RAVER2: variants seen among roughly 807,000 people sequenced by gnomAD.
RAVER2 encodes the protein ribonucleoprotein PTB-binding 2.
RAVER2 carries 46 observed loss-of-function variants against 78.1 expected under a neutral mutation model. That is an observed-to-expected ratio of 0.59 (90% confidence interval 0.46 to 0.75). The LOEUF (loss-of-function observed/expected upper bound fraction) is 0.75, where lower values mean the gene tolerates loss of function less well. RAVER2 is among the 30% of genes least tolerant of loss of function. The pLI, the probability that RAVER2 is intolerant of heterozygous loss-of-function variation, is 0.00. For synonymous variants in RAVER2, 311 were observed against 313.3 expected (o/e 0.99, Z 0.08); for missense variants, 793 against 837.5 (o/e 0.95, Z 0.66).
chr1:64,752,412 G>A (rs1220393315), intron 1 of RAVER2, among the ~76,000 whole-genome samples: 1 of 152,200 alleles, frequency 6.6e-6, no homozygotes, highest in Non-Finnish European at 1.5e-5. Context: ...TCCAGGAGGA[G>A]TACAGGAATG....
chr1:64,808,793 T>G (rs1653519774), intron 9 of RAVER2, among the ~76,000 whole-genome samples: 2 of 152,284 alleles, frequency 1.3e-5, no homozygotes, highest in South Asian at 2.1e-4. Context: ...TTTTAAAAAT[T>G]TATCTGCAGT....
At chr1:64,814,967 ATT>A (rs1653720115) in intron 11 of RAVER2, 127 bp downstream of exon 11, 2 of 789,718 alleles carry the variant, frequency 2.5e-6, no homozygotes, top group African/African-American at 1.8e-5. Context: ...TGATCTATGT[ATT>A]TCTTACTCAT....
chr1:64,830,357 T>C (rs1654097186), intron 11 of RAVER2, among the ~76,000 whole-genome samples: 1 of 152,208 alleles, frequency 6.6e-6, no homozygotes, highest in African/African-American at 2.4e-5. Context: ...GAATGTTTCA[T>C]GTTGTTTTCT....
In RAVER2 at chr1:64,782,688, C is replaced by T. The variant is rs79922166; in HGVS notation, c.978+1117C>T. 2.6e-5 allele frequency among the ~76,000 whole-genome samples: 4 copies of T among 152,186 alleles called. No individual in the cohort carries two copies. In the East Asian group the frequency reaches 7.7e-4, roughly 29 times the overall value. ...CTAGGTGGAACAGAAACTACTCATA[C>T]AGTGCTTGAGGAGTGGTAAGTGGTC... On this transcript the variant is annotated intron_variant, in intron 4 of 11. Coordinates refer to ENST00000294428, the Ensembl canonical transcript of RAVER2.
chr1:64,786,519 G>A (rs534390137), intron 4 of RAVER2, among the ~76,000 whole-genome samples: 7 of 152,168 alleles, frequency 4.6e-5, no homozygotes, highest in African/African-American at 1.7e-4. Flanking sequence ...GGCCAGGTGC[G>A]GTGGCTCTTG....
chr1:64,804,646 G>A lies in RAVER2; in HGVS notation c.1192-88G>A, dbSNP rs142899689. 1.7e-4 allele frequency: 111 copies of A among 642,368 alleles called. 2 individuals carry two copies. The highest frequency in any genetic ancestry group is 1.7e-3 in the African/African-American group (92 of 54,626). The allele number at this position is 642,368 out of a possible 1,614,324, so 39.8% of individuals were successfully genotyped here. ...AGAAGCAGTTACTTTTACTCAGATCGACTGGAGAATTGAACTTCAAAATGA... is the reference window on the plus strand; with the variant it reads ...AGAAGCAGTTACTTTTACTCAGATCAACTGGAGAATTGAACTTCAAAATGA... On this transcript the variant is annotated intron_variant, in intron 6 of 11. Transcript: ENST00000294428.
chr1:64,781,542 T>C (rs1427525054), exon 4 of RAVER2: 1 of 1,613,834 alleles, frequency 6.2e-7, no homozygotes, highest in African/African-American at 1.3e-5. Context: ...GCGAAGTACA[T>C]TAGCAGCATT....
exon 7 of RAVER2, chr1:64,804,749 A>T: frequency 6.8e-7 from 1 of 1,479,616 alleles, no homozygotes; most frequent in Non-Finnish European, 9.4e-7. Context: ...AGTTATGGGT[A>T]ATACTTCTAA....
chr1:64,762,272 A>C (rs543133821), intron 1 of RAVER2, among the ~76,000 whole-genome samples: 1 of 152,226 alleles, frequency 6.6e-6, no homozygotes, highest in Non-Finnish European at 1.5e-5. Flanking sequence ...ATTTAAGAAG[A>C]CCTAAATAAA....
At position 64,807,841 on chromosome 1, in the gene RAVER2, A is replaced by G. The variant is rs542546039; in HGVS notation, c.1680+367A>G. ...AATTTCCAAAAAGTTTGTGATATAC[A>G]TGGTTTTCAAAAATACTTGCTATTT... On this transcript the variant is annotated intron_variant, in intron 9 of 11. Transcript: ENST00000294428. 2.6e-5 allele frequency among the ~76,000 whole-genome samples: 4 copies of G among 152,262 alleles called. No homozygotes were observed. The South Asian group carries it at 8.3e-4, about 32-fold the overall frequency.
intron 4 of RAVER2, among the ~76,000 whole-genome samples, chr1:64,787,514 C>T (rs1652814340): frequency 6.6e-6 from 1 of 152,186 alleles, no homozygotes; most frequent in Non-Finnish European, 1.5e-5. Flanking sequence ...CATTTCCACC[C>T]CTGCTCTTTT....
chr1:64,801,626 T>C (rs1415884639), intron 5 of RAVER2, among the ~76,000 whole-genome samples: 1 of 151,608 alleles, frequency 6.6e-6, no homozygotes, highest in African/African-American at 2.4e-5. Context: ...TCCTAGCACT[T>C]TGGGAGGCCA....
At position 64,824,063 on chromosome 1, in the gene RAVER2, T is replaced by TTC. The variant is rs140124605; in HGVS notation, c.1930-6775_1930-6774dup. Reference sequence around the variant, plus strand: ...CTCAAGTGATCTGCCTGCCTTGGTCTTCCAAAGTGCTAGGATTATAGGCAT... The same window carrying TTC: ...CTCAAGTGATCTGCCTGCCTTGGTCTTCTCCAAAGTGCTAGGATTATAGGCAT... On this transcript the variant is annotated intron_variant, in intron 11 of 11. Coordinates refer to ENST00000294428, the Ensembl canonical transcript of RAVER2. 1.9e-3 allele frequency among the ~76,000 whole-genome samples: 285 copies of TTC among 152,338 alleles called. 11 individuals are homozygous for TTC. The East Asian group carries it at 0.051, about 27-fold the overall frequency.
rs975806378 is a variant in RAVER2, at chr1:64,745,424, A to C, written c.249+3A>C. The C allele has an allele frequency of 1.8e-5, 27 of 1,516,756 alleles. No individual in the cohort carries two copies. The highest frequency in any genetic ancestry group is 2.1e-5 in the Non-Finnish European group (24 of 1,126,442). 94.0% of individuals were successfully genotyped at this position (1,516,756 alleles called of 1,614,324 possible). On this transcript the variant is annotated splice_donor_region_variant and intron_variant, in intron 1 of 11. Coordinates refer to ENST00000294428, the Ensembl canonical transcript of RAVER2. This position sits in a 1 kb window ranked among gnomAD's most constrained non-coding sequence, Gnocchi z 4.3. The stretch of plus-strand genomic sequence containing the variant: ...TGCCCCAGGACAGCAACTGCCAGGT[A>C]CTGGGACGGTGATAGGGGCGACGCG...
intron 2 of RAVER2, among the ~76,000 whole-genome samples, chr1:64,774,181 A>G (rs1185638957): frequency 6.6e-6 from 1 of 152,140 alleles, no homozygotes; most frequent in Admixed American, 6.6e-5. Flanking sequence ...CTTTAGTTTA[A>G]TTAGACCCCA....
intron 11 of RAVER2, among the ~76,000 whole-genome samples, chr1:64,829,935 T>G (rs1284346391): frequency 6.6e-6 from 1 of 151,888 alleles, no homozygotes; most frequent in Non-Finnish European, 1.5e-5. Context: ...TAGCAAGGAG[T>G]TGAGAGAGAC....
chr1:64,771,852 C>A (rs1652328858), intron 2 of RAVER2, among the ~76,000 whole-genome samples: 1 of 145,486 alleles, frequency 6.9e-6, no homozygotes, highest in East Asian at 2.0e-4. Context: ...TTCGTGGAAA[C>A]AGATATAATT....
chr1:64,762,416 C>A (rs1652047211), intron 1 of RAVER2, among the ~76,000 whole-genome samples: 1 of 146,854 alleles, frequency 6.8e-6, no homozygotes, highest in Non-Finnish European at 1.5e-5. Context: ...AAAACTGATT[C>A]TAAAATTTGT....
intron 5 of RAVER2, among the ~76,000 whole-genome samples, chr1:64,802,025 C>G (rs571392324): frequency 6.6e-6 from 1 of 152,222 alleles, no homozygotes; most frequent in African/African-American, 2.4e-5. Flanking sequence ...GTGGGCAATT[C>G]CCAGAACTGA....
Sources: allele counts gnomAD v4.1 joint callset (sites outside exome capture counted in the v4.1 genomes callset), GRCh38; gene constraint gnomAD v4.1.1; non-coding constraint Gnocchi (gnomAD v3.1); transcripts MANE v1.5; gene names NCBI Gene and HGNC (gene_info 2026-07-23, HGNC 2026-07-21).